KCNU1: variants seen among roughly 807,000 people sequenced by gnomAD.
The protein encoded by KCNU1 is potassium calcium-activated channel subfamily U member 1.
KCNU1 carries 93 observed loss-of-function variants against 126.8 expected under a neutral mutation model. The ratio of observed to expected loss-of-function variants is 0.73; its 90% confidence interval spans 0.62 to 0.87. KCNU1 has a LOEUF of 0.87. Among genes scored for constraint, KCNU1 ranks in the 40% least tolerant of loss-of-function variants. The probability of loss-of-function intolerance (pLI) is 0.00; values close to 1 mark genes in which losing one functional copy is unlikely to be tolerated. For missense variants in KCNU1, 1,330 were observed against 1,367.1 expected (o/e 0.97, Z 0.43); for synonymous variants, 523 against 494.2 (o/e 1.06, Z -0.77).
At chr8:36,787,222 C>A in intron 1 of KCNU1, 84 bp from the exon 2 acceptor site, 1 of 1,270,222 alleles carries the variant, frequency 7.9e-7, no homozygotes, top group Non-Finnish European at 1.1e-6. Context: ...GATACCATCA[C>A]AAGAGGCTCC....
At chr8:36,924,258 A>G (rs2117594461) in intron 24 of KCNU1, among the ~76,000 whole-genome samples, 1 of 152,334 alleles carries the variant, frequency 6.6e-6, no homozygotes, top group East Asian at 1.9e-4. Context: ...GCTGGATGTC[A>G]ATATGCAGAT....
intron 1 of KCNU1, 86 bp downstream of exon 1, chr8:36,784,691 A>G (rs1297773334): frequency 1.9e-6 from 2 of 1,080,544 alleles, no homozygotes; most frequent in Non-Finnish European, 2.6e-6. Flanking sequence ...TCTAAGCTTC[A>G]TTCAGTTTTT....
chr8:36,887,654 G>A (rs1258677520), intron 19 of KCNU1, among the ~76,000 whole-genome samples: 8 of 152,052 alleles, frequency 5.3e-5, no homozygotes, highest in Non-Finnish European at 1.0e-4. Context: ...TGTAGTTATG[G>A]CTGGTAGAAC....
rs761711243 is a variant in KCNU1, at chr8:36,935,699, A to G, written c.3229A>G (p.Thr1077Ala). Reference protein sequence around the residue: ...ETHSDTNCPPTIDSVTETLYS... With the variant: ...ETHSDTNCPPAIDSVTETLYS... ...ACATTCAGACACAAATTGTCCTCCC[A>G]CCATTGATTCAGTTACTGAGACATT... Residue 1077 changes from threonine to alanine, a missense_variant, in exon 27 of 27, where the codon ACC (threonine) becomes GCC (alanine). This residue lies in a region of KCNU1 where 1,054 missense variants were observed against 1,053.9 expected (regional missense o/e 1.00). Coordinates refer to ENST00000399881, the MANE Select transcript of KCNU1 (RefSeq NM_001031836.3). 2 of 1,613,348 alleles carry G rather than the reference A, an allele frequency of 1.2e-6. No homozygotes were observed. The highest frequency in any genetic ancestry group is 1.7e-6 in the Non-Finnish European group (2 of 1,179,478).
In KCNU1 at chr8:36,787,431, T is replaced by C. The variant is rs1380827100; in HGVS notation, c.315+6T>C. The C allele has an allele frequency of 4.4e-6, 7 of 1,603,150 alleles. No homozygotes were observed. Among genetic ancestry groups the C allele is most frequent in the Non-Finnish European group, 5.1e-6 (6 of 1,174,242 alleles). On this transcript the variant is annotated splice_donor_region_variant and intron_variant, in intron 2 of 26. Transcript: ENST00000399881. The stretch of plus-strand genomic sequence containing the variant: ...CCTTTGTGGGGCAAGTGTTGGTAAG[T>C]ACATTTTCAGTGTTAGCTTGCTAAC...
intron 24 of KCNU1, among the ~76,000 whole-genome samples, chr8:36,926,287 T>A (rs555190015): frequency 6.6e-6 from 1 of 152,302 alleles, no homozygotes; most frequent in Admixed American, 6.5e-5. Context: ...CGCAATCAAC[T>A]GCCCCTCCAG....
At chr8:36,826,973 C>T (rs910562375) in intron 10 of KCNU1, among the ~76,000 whole-genome samples, 1 of 152,138 alleles carries the variant, frequency 6.6e-6, no homozygotes, top group African/African-American at 2.4e-5. Context: ...AACTGAATGC[C>T]TCACGTCTTT....
chr8:36,854,703 T>A (rs1351459575), intron 18 of KCNU1, among the ~76,000 whole-genome samples: 1 of 152,214 alleles, frequency 6.6e-6, no homozygotes, highest in African/African-American at 2.4e-5. Flanking sequence ...AGTCTTTGAC[T>A]AGTAAGTACA....
chr8:36,862,998 A>G (rs1387867647), intron 18 of KCNU1, among the ~76,000 whole-genome samples: 2 of 152,132 alleles, frequency 1.3e-5, no homozygotes. Context: ...GAAATAAGGA[A>G]GCATCAGTCA....
At chr8:36,923,896 T>G (rs1303332905) in intron 24 of KCNU1, among the ~76,000 whole-genome samples, 2 of 152,208 alleles carry the variant, frequency 1.3e-5, no homozygotes, top group Non-Finnish European at 2.9e-5. Flanking sequence ...GCATAAGCTA[T>G]GAGTTAAGAC....
intron 16 of KCNU1, among the ~76,000 whole-genome samples, chr8:36,843,282 G>T (rs552136469): frequency 6.6e-6 from 1 of 152,180 alleles, no homozygotes; most frequent in Non-Finnish European, 1.5e-5. Flanking sequence ...ATGAAGGGGG[G>T]ATCTATGGAA....
At chr8:36,832,477 A>G (rs1804589384) in intron 10 of KCNU1, among the ~76,000 whole-genome samples, 1 of 152,102 alleles carries the variant, frequency 6.6e-6, no homozygotes, top group Non-Finnish European at 1.5e-5. Flanking sequence ...ACTTTTAAGT[A>G]ATTTGTTCAT....
chr8:36,931,732 A>G (rs1236466680), intron 25 of KCNU1, among the ~76,000 whole-genome samples: 1 of 152,056 alleles, frequency 6.6e-6, no homozygotes, highest in Non-Finnish European at 1.5e-5. Flanking sequence ...GAAATCTGAT[A>G]AGGTCAGCTG....
At chr8:36,838,608 A>G (rs1337329226) in intron 14 of KCNU1, among the ~76,000 whole-genome samples, 1 of 152,038 alleles carries the variant, frequency 6.6e-6, no homozygotes, top group African/African-American at 2.4e-5. Flanking sequence ...GAGGCAGGGG[A>G]GTTGCTTGAA....
chr8:36,807,723 C>T (rs1803557256), intron 6 of KCNU1, among the ~76,000 whole-genome samples: 1 of 149,026 alleles, frequency 6.7e-6, no homozygotes, highest in African/African-American at 2.5e-5. Context: ...TTCTAGGTCC[C>T]TCCACCAAAA....
intron 18 of KCNU1, among the ~76,000 whole-genome samples, chr8:36,853,798 G>GGT (rs372078255): frequency 4.6e-5 from 7 of 151,432 alleles, no homozygotes; most frequent in South Asian, 2.1e-4. Context: ...AGTATAGGTT[G>GGT]GTGTGTGTGT....
In KCNU1 at chr8:36,802,318, C is replaced by T. The variant is rs115864205; in HGVS notation, c.316-1709C>T. Among the ~76,000 whole-genome samples, 759 of 152,068 alleles carry T rather than the reference C, an allele frequency of 5.0e-3. 8 individuals are homozygous for T. Among genetic ancestry groups the T allele is most frequent in the African/African-American group, 0.017 (711 of 41,476 alleles). On this transcript the variant is annotated intron_variant, in intron 2 of 26. Transcript: ENST00000399881. ...CAGGGTACTTTCCTCTCATCTCAAA[C>T]TTAGGACAGGAAGCTGAATAGGGAC...
At chr8:36,879,211 GTATATATATATA>G (rs34121138) in intron 19 of KCNU1, among the ~76,000 whole-genome samples, 4 of 101,754 alleles carry the variant, frequency 3.9e-5, no homozygotes, top group South Asian at 3.5e-4. Context: ...GTGTGTGTGT[GTATATATATATA>G]TATATATATA....
chr8:36,806,083 A>T (rs1209867752), intron 4 of KCNU1, among the ~76,000 whole-genome samples, 186 bp from the exon 5 acceptor site: 1 of 152,118 alleles, frequency 6.6e-6, no homozygotes, highest in African/African-American at 2.4e-5. Context: ...ACCTCAAGCT[A>T]TCTGCCTGCC....
Sources: allele counts gnomAD v4.1 joint callset (sites outside exome capture counted in the v4.1 genomes callset), GRCh38; gene constraint gnomAD v4.1.1; regional missense constraint gnomAD v4.1.1; transcripts MANE v1.5; gene names NCBI Gene and HGNC (gene_info 2026-07-23, HGNC 2026-07-21).